PDE4D: variants seen among roughly 807,000 people sequenced by gnomAD.
PDE4D encodes 3',5'-cyclic-AMP phosphodiesterase 4D.
A neutral mutation model predicts 87.4 loss-of-function variants in PDE4D; 24 were observed. That is an observed-to-expected ratio of 0.27 (90% CI 0.20 to 0.39). PDE4D has a LOEUF of 0.39. Ranked by LOEUF, PDE4D falls within the 10% of genes least tolerant of loss-of-function variation. The probability of loss-of-function intolerance (pLI) is 1.00; values close to 1 mark genes in which losing one functional copy is unlikely to be tolerated. For synonymous variants in PDE4D, 384 were observed against 383.2 expected (o/e 1.00, Z -0.02); for missense variants, 714 against 1,041.0 (o/e 0.69, Z 4.32).
intron 3 of PDE4D, among the ~76,000 whole-genome samples, chr5:59,905,793 G>T (rs79971298): frequency 0.029 from 4,433 of 152,102 alleles, 205 homozygotes; most frequent in African/African-American, 0.1. Context: ...AGGAAATTAG[G>T]GGAGTAAAAA....
At chr5:59,755,723 A>G (rs550424766) in intron 1 of PDE4D, among the ~76,000 whole-genome samples, 2 of 152,246 alleles carry the variant, frequency 1.3e-5, no homozygotes, top group African/African-American at 4.8e-5. Flanking sequence ...AAAGTAAAAC[A>G]AATACTATTA....
At chr5:59,426,331 G>A (rs1348648830) in intron 1 of PDE4D, among the ~76,000 whole-genome samples, 1 of 152,188 alleles carries the variant, frequency 6.6e-6, no homozygotes, top group Non-Finnish European at 1.5e-5. Context: ...ATAAATCTAA[G>A]TGCATGACCT....
At chr5:60,066,200 T>G (rs1562049027) in intron 2 of PDE4D, among the ~76,000 whole-genome samples, 1 of 152,198 alleles carries the variant, frequency 6.6e-6, no homozygotes, top group Non-Finnish European at 1.5e-5. Flanking sequence ...GATGAGCATT[T>G]TTTCATGTGT....
intron 1 of PDE4D, among the ~76,000 whole-genome samples, chr5:59,829,824 G>A (rs566893940): frequency 7.9e-5 from 12 of 151,980 alleles, no homozygotes; most frequent in African/African-American, 2.9e-4. Context: ...AAGCAGTAGG[G>A]CGAGAGAGGC....
intron 5 of PDE4D, among the ~76,000 whole-genome samples, chr5:59,165,355 C>A (rs1175690131): frequency 6.6e-6 from 1 of 152,188 alleles, no homozygotes; most frequent in Non-Finnish European, 1.5e-5. Context: ...CTTACTGCAA[C>A]CTCTGCCTCC....
chr5:59,016,456 C>A (rs1296037353), intron 6 of PDE4D, among the ~76,000 whole-genome samples: 4 of 148,936 alleles, frequency 2.7e-5, no homozygotes, highest in Non-Finnish European at 3.0e-5. Context: ...AGTATCGTGC[C>A]CCTTACCCCA....
intron 1 of PDE4D, among the ~76,000 whole-genome samples, chr5:60,205,162 G>A (rs911905754): frequency 6.6e-6 from 1 of 152,102 alleles, no homozygotes; most frequent in African/African-American, 2.4e-5. Flanking sequence ...GCTGTCAGCT[G>A]CCAGGCCTAC....
chr5:59,814,560 T>C (rs754629542), intron 1 of PDE4D, among the ~76,000 whole-genome samples: 5 of 152,076 alleles, frequency 3.3e-5, no homozygotes, highest in Non-Finnish European at 7.4e-5. Flanking sequence ...AGGAAGCATA[T>C]CCAGAAACTA....
intron 5 of PDE4D, among the ~76,000 whole-genome samples, chr5:59,120,715 C>A (rs1431533597): frequency 6.6e-6 from 1 of 151,466 alleles, no homozygotes; most frequent in Non-Finnish European, 1.5e-5. Flanking sequence ...GCACAACTAA[C>A]CAAAGCAATC....
rs535653263 is a variant in PDE4D at position 59,950,475 on chromosome 5, G to A, written c.272+38013C>T. On this transcript the variant is annotated intron_variant, in intron 3 of 16. Transcript: ENST00000502484. ...AAAATAGATGCTACATTTTCCTGGAGGGATGTGGATATCTTATTTATCTTT... is the reference window on the plus strand; with the variant it reads ...AAAATAGATGCTACATTTTCCTGGAAGGATGTGGATATCTTATTTATCTTT... 3.3e-5 allele frequency among the ~76,000 whole-genome samples: 5 copies of A among 152,174 alleles called. No homozygotes were observed. The South Asian group carries it at 8.3e-4, about 25-fold the overall frequency.
chr5:59,806,384 A>C lies in PDE4D; in HGVS notation c.455+86784T>G, dbSNP rs114082589. On this transcript the variant is annotated intron_variant, in intron 1 of 14. Coordinates refer to ENST00000340635, the MANE Select transcript of PDE4D (RefSeq NM_001104631.2). The stretch of plus-strand genomic sequence containing the variant: ...CCTGAGCCTTTTTCTGGAGACCTGG[A>C]AACAGTTAATACCAGAGCAAGTCCC... Among the ~76,000 whole-genome samples, 844 of 152,330 alleles carry C rather than the reference A, an allele frequency of 5.5e-3. 5 individuals are homozygous for C. Among genetic ancestry groups the C allele is most frequent in the Non-Finnish European group, 9.8e-3 (665 of 68,032 alleles).
At chr5:59,437,552 G>T (rs2153634521) in intron 1 of PDE4D, among the ~76,000 whole-genome samples, 1 of 152,264 alleles carries the variant, frequency 6.6e-6, no homozygotes, top group South Asian at 2.1e-4. Flanking sequence ...CAGCAAAGAG[G>T]AGGGGTCTTT....
chr5:59,726,610 T>C (rs1196562192), intron 1 of PDE4D, among the ~76,000 whole-genome samples: 1 of 152,150 alleles, frequency 6.6e-6, no homozygotes, highest in Admixed American at 6.6e-5. Context: ...AATTAATCTG[T>C]TGTTGTGTAA....
intron 5 of PDE4D, chr5:59,063,237 GTGAACCA>G (rs1257681772): frequency 6.6e-6 from 1 of 152,192 alleles, no homozygotes; most frequent in Non-Finnish European, 1.5e-5. Flanking sequence ...GATGAATACA[GTGAACCA>G]TGAAAGATGC....
chr5:59,751,375 T>C (rs1040570532), intron 1 of PDE4D, among the ~76,000 whole-genome samples: 1 of 152,168 alleles, frequency 6.6e-6, no homozygotes, highest in Non-Finnish European at 1.5e-5. Flanking sequence ...AGAAGAGCAG[T>C]AGCTAGCTGA....
At chr5:60,374,292 CA>C (rs1163623434) in intron 1 of PDE4D, among the ~76,000 whole-genome samples, 7 of 151,764 alleles carry the variant, frequency 4.6e-5, no homozygotes, top group African/African-American at 1.7e-4. Flanking sequence ...TCTCTCCCCC[CA>C]AAAAAACACC....
chr5:60,061,729 G>C (rs1188768738), intron 2 of PDE4D, among the ~76,000 whole-genome samples: 2 of 152,098 alleles, frequency 1.3e-5, no homozygotes, highest in African/African-American at 4.8e-5. Context: ...TATCAAAACA[G>C]ACACATATAC....
chr5:60,248,875 C>T (rs1384408508), intron 1 of PDE4D, among the ~76,000 whole-genome samples: 1 of 151,976 alleles, frequency 6.6e-6, no homozygotes, highest in African/African-American at 2.4e-5. Flanking sequence ...TCTGCATCAT[C>T]CCTTTTGTTC....
intron 1 of PDE4D, among the ~76,000 whole-genome samples, chr5:59,816,323 A>G (rs528740665): frequency 1.3e-5 from 2 of 152,280 alleles, no homozygotes; most frequent in South Asian, 2.1e-4. Context: ...TAAACCTGAT[A>G]AGCTCCCTCG....
Sources: allele counts gnomAD v4.1 joint callset (sites outside exome capture counted in the v4.1 genomes callset), GRCh38; gene constraint gnomAD v4.1.1; transcripts MANE v1.5; gene names NCBI Gene and HGNC (gene_info 2026-07-23, HGNC 2026-07-21).